FEZ1: variants seen among roughly 807,000 people sequenced by gnomAD.
The protein encoded by FEZ1 is fasciculation and elongation protein zeta-1.
A neutral mutation model predicts 49.3 loss-of-function variants in FEZ1; 20 were observed. That is an observed-to-expected ratio of 0.41 (90% CI 0.29 to 0.59). The LOEUF (loss-of-function observed/expected upper bound fraction) is 0.59. FEZ1 is among the 20% of genes least tolerant of loss of function. The pLI is 0.36. For synonymous variants in FEZ1, 170 were observed against 180.9 expected, an observed-to-expected ratio of 0.94 and a Z score of 0.48; for missense variants, 413 against 476.0, an observed-to-expected ratio of 0.87 and a Z score of 1.23.
At chr11:125,456,160 TGGGGAGGC>T in intron 5 of FEZ1, 54 bp from the exon 6 acceptor site, 1 of 1,507,638 alleles carries the variant, frequency 6.6e-7, no homozygotes, top group South Asian at 1.3e-5. Context: ...CAGAGCCCGC[TGGGGAGGC>T]TCCTGGGGCC....
At position 125,444,984 on chromosome 11, in the gene FEZ1, G is replaced by C. The variant is rs1453547863; in HGVS notation, c.*1111C>G. 6.6e-6 allele frequency among the ~76,000 whole-genome samples: 1 copy of C among 152,206 alleles called. No individual in the cohort carries two copies. On this transcript the variant is annotated 3_prime_UTR_variant, in exon 10 of 10. Coordinates refer to ENST00000278919, the MANE Select transcript of FEZ1 (RefSeq NM_005103.5). ...GTTTTTGCTTTCAGAGGAGGATATGGGAATTGGCAGGCTCAATGTCTTTCA... is the reference window on the plus strand; with the variant it reads ...GTTTTTGCTTTCAGAGGAGGATATGCGAATTGGCAGGCTCAATGTCTTTCA...
Position 125,495,449 on chromosome 11 carries a change from G to GT in FEZ1, c.-46+671_-46+672insA, listed in dbSNP as rs1383974284. On this transcript the variant is annotated intron_variant, in intron 1 of 9. Transcript: ENST00000278919. This position sits in a 1 kb window ranked among gnomAD's most constrained non-coding sequence, Gnocchi z 4.2. ...AGAGCCCGGGGCCCACCCGACGGCAGCGCGCCCCGCCACCGCGCAGCCGCC... is the reference window on the plus strand; with the variant it reads ...AGAGCCCGGGGCCCACCCGACGGCAGTCGCGCCCCGCCACCGCGCAGCCGCC... 4.3e-6 allele frequency: 2 copies of GT among 470,146 alleles called. No homozygotes were observed. Among genetic ancestry groups the GT allele is most frequent in the Non-Finnish European group, 8.8e-6 (2 of 226,558 alleles). 29.1% of individuals were successfully genotyped at this position (470,146 alleles called of 1,614,324 possible).
chr11:125,463,613 C>T (rs369412157), intron 3 of FEZ1, 43 bp from the exon 4 acceptor site: 34 of 1,221,116 alleles, frequency 2.8e-5, no homozygotes, highest in Middle Eastern at 4.2e-4. Context: ...TGACCATCAG[C>T]AGAAGTGGGA....
At chr11:125,474,313 C>T (rs945018144) in intron 3 of FEZ1, among the ~76,000 whole-genome samples, 2 of 150,200 alleles carry the variant, frequency 1.3e-5, no homozygotes, top group Admixed American at 1.3e-4. Flanking sequence ...GCTGGGATTA[C>T]AGACATGAGC....
In FEZ1 at chr11:125,443,172, C is replaced by T. The variant is rs956531287; in HGVS notation, c.*2923G>A. 3.3e-5 allele frequency among the ~76,000 whole-genome samples: 5 copies of T among 152,142 alleles called. No homozygotes were observed. The highest frequency in any genetic ancestry group is 9.7e-5 in the African/African-American group (4 of 41,414). On this transcript the variant is annotated 3_prime_UTR_variant, in exon 10 of 10. Transcript: ENST00000278919. ...CTACCTAGGAGGGCTCCCTGCAGAC[C>T]GTGGCTCTCTGGCACACTTTGCGGA...
chr11:125,444,890 G>A lies in FEZ1; in HGVS notation c.*1205C>T, dbSNP rs1005926757. Among the ~76,000 whole-genome samples, 14 of 152,196 alleles carry A rather than the reference G, an allele frequency of 9.2e-5. No homozygotes were observed. Among genetic ancestry groups the A allele is most frequent in the Non-Finnish European group, 1.9e-4 (13 of 68,040 alleles). ...GGATCATACTAGCACCTGTTTACAC[G>A]TGGTGATGCTGTGATGTGTGCTAAT... On this transcript the variant is annotated 3_prime_UTR_variant, in exon 10 of 10. Coordinates refer to ENST00000278919, the MANE Select transcript of FEZ1 (RefSeq NM_005103.5).
Position 125,456,028 on chromosome 11 carries a change from T to C in FEZ1, c.746A>G (p.Glu249Gly), listed in dbSNP as rs954036237. ...VEGAIRDFSE[E>G]LVQQLARRDE... ...CCGGCGGGCCAGCTGCTGCACCAGC[T>C]CCTCCGAGAAGTCACGGATGGCACC... The change falls in exon 6 of 10, where the codon GAG becomes GGG. Residue 249 changes from glutamate (E) to glycine (G), a missense_variant. Physicochemically the swap from Glu to Gly is moderately conservative, Grantham distance 98 (BLOSUM62 -2). Transcript: ENST00000278919. 6.2e-7 allele frequency: 1 copy of C among 1,612,570 alleles called. No individual in the cohort carries two copies. Among genetic ancestry groups the C allele is most frequent in the Non-Finnish European group, 8.5e-7 (1 of 1,179,826 alleles).
chr11:125,475,396 T>G (rs1957222351), intron 3 of FEZ1, among the ~76,000 whole-genome samples: 1 of 152,184 alleles, frequency 6.6e-6, no homozygotes, highest in Non-Finnish European at 1.5e-5. Flanking sequence ...GTATCAATTT[T>G]GTTACTACCC....
At chr11:125,452,254 C>G in intron 8 of FEZ1, 80 bp downstream of exon 8, 3 of 959,540 alleles carry the variant, frequency 3.1e-6, no homozygotes, top group Non-Finnish European at 5.1e-6. Flanking sequence ...AGTCTCGGGC[C>G]TGCGGCACGG....
At chr11:125,458,070 C>A (rs1312694500) in intron 5 of FEZ1, among the ~76,000 whole-genome samples, 1 of 152,180 alleles carries the variant, frequency 6.6e-6, no homozygotes, top group Admixed American at 6.5e-5. Flanking sequence ...GGGAATGCAG[C>A]GAGGCAGCCA....
At chr11:125,462,172 C>G (rs924520989) in intron 4 of FEZ1, among the ~76,000 whole-genome samples, 4 of 152,214 alleles carry the variant, frequency 2.6e-5, no homozygotes, top group African/African-American at 9.6e-5. Flanking sequence ...CACTTTCTGG[C>G]ACCGAAGGCT....
chr11:125,492,125 TTC>T (rs1177373554), intron 1 of FEZ1, among the ~76,000 whole-genome samples: 1 of 152,254 alleles, frequency 6.6e-6, no homozygotes, highest in Non-Finnish European at 1.5e-5. Flanking sequence ...GCAGTTTTTA[TTC>T]TTTTTTTATA....
intron 3 of FEZ1, among the ~76,000 whole-genome samples, chr11:125,465,640 A>G (rs1957120674): frequency 6.6e-6 from 1 of 152,196 alleles, no homozygotes; most frequent in African/African-American, 2.4e-5. Flanking sequence ...GTCTGCCACT[A>G]AAAAATAAAA....
At chr11:125,466,902 T>C (rs1042208047) in intron 3 of FEZ1, among the ~76,000 whole-genome samples, 4 of 152,064 alleles carry the variant, frequency 2.6e-5, no homozygotes, top group African/African-American at 9.7e-5. Flanking sequence ...CTTTGCATAA[T>C]ATTTTCCTCC....
chr11:125,494,473 C>G (rs536620158), intron 1 of FEZ1, among the ~76,000 whole-genome samples: 3 of 152,202 alleles, frequency 2.0e-5, no homozygotes, highest in Non-Finnish European at 4.4e-5. Flanking sequence ...CATCTGGGAG[C>G]CTTCTTTTCC....
chr11:125,483,311 A>G (rs1330044605), intron 2 of FEZ1, among the ~76,000 whole-genome samples: 1 of 152,202 alleles, frequency 6.6e-6, no homozygotes, highest in African/African-American at 2.4e-5. Context: ...TGGAACAAAT[A>G]GAAGGAACCC....
intron 8 of FEZ1, among the ~76,000 whole-genome samples, chr11:125,452,120 G>C (rs1189193375): frequency 6.6e-6 from 1 of 152,114 alleles, no homozygotes; most frequent in African/African-American, 2.4e-5. Context: ...TTCCCTTATG[G>C]GAACCAGGAG....
chr11:125,495,905 G>C lies in FEZ1; in HGVS notation c.-46+216C>G, dbSNP rs1957464620. ...CCATCATCCCACATCTCCAGGGCCT[G>C]GCGCGGCGTCCCAGCTGCGCTCCCT... On this transcript the variant is annotated intron_variant, in intron 1 of 9. Coordinates refer to ENST00000278919, the MANE Select transcript of FEZ1 (RefSeq NM_005103.5). The surrounding 1 kb of genome is among the most constrained non-coding windows in gnomAD (Gnocchi z 4.2). 3.7e-6 allele frequency: 1 copy of C among 269,126 alleles called. No individual in the cohort carries two copies. The allele number at this position is 269,126 out of a possible 1,614,324, so 16.7% of individuals were successfully genotyped here. A position where few individuals can be genotyped will look rare whatever the true frequency, so the allele number is the denominator to read the frequency against.
At position 125,444,011 on chromosome 11, in the gene FEZ1, C is replaced by CCGT. The variant is rs1956874908; in HGVS notation, c.*2081_*2083dup. ...CCTTTGCTGAGGCTGGTGAAAAACC[C>CCGT]CGTCGCCGGCAGAGTGCTAAACATG... is the stretch of plus-strand genomic sequence containing the variant. On this transcript the variant is annotated 3_prime_UTR_variant, in exon 10 of 10. Transcript: ENST00000278919. 6.6e-6 allele frequency among the ~76,000 whole-genome samples: 1 copy of CCGT among 152,182 alleles called. No homozygotes were observed. Among genetic ancestry groups the CCGT allele is most frequent in the South Asian group, 2.1e-4 (1 of 4,830 alleles).
Sources: allele counts gnomAD v4.1 joint callset (sites outside exome capture counted in the v4.1 genomes callset), GRCh38; gene constraint gnomAD v4.1.1; non-coding constraint Gnocchi (gnomAD v3.1); transcripts MANE v1.5; gene names NCBI Gene and HGNC (gene_info 2026-07-23, HGNC 2026-07-21).